TFDP1: variants seen among roughly 807,000 people sequenced by gnomAD.
TFDP1 encodes the protein DRTF1-polypeptide 1.
A neutral mutation model predicts 48.0 loss-of-function variants in TFDP1; 6 were observed. That is an observed-to-expected ratio of 0.13 (90% CI 0.07 to 0.25). The LOEUF is 0.25. TFDP1 is among the 10% of genes least tolerant of loss of function. The probability of loss-of-function intolerance (pLI) is 1.00; values close to 1 mark genes in which losing one functional copy is unlikely to be tolerated. For missense variants in TFDP1, 335 were observed against 543.0 expected, an observed-to-expected ratio of 0.62 and a Z score of 3.81; for synonymous variants, 201 against 211.6, an observed-to-expected ratio of 0.95 and a Z score of 0.44.
In TFDP1 at chr13:113,633,343, T is replaced by C. The variant is rs1056755893; in HGVS notation, c.474+58T>C. ...TGGCGGAGCCCAGCGGTGTGGTACG[T>C]TTCGCTCTTTTAATATCGGGAACAG... On this transcript the variant is annotated intron_variant, in intron 6 of 11. Transcript: ENST00000375370. This position sits in a 1 kb window ranked among gnomAD's most constrained non-coding sequence, Gnocchi z 4.5. The C allele has an allele frequency of 8.9e-6, 10 of 1,117,550 alleles. No individual in the cohort carries two copies. The highest frequency in any genetic ancestry group is 2.2e-5 in the Admixed American group (1 of 46,226). The allele number at this position is 1,117,550 out of a possible 1,614,324, so 69.2% of individuals were successfully genotyped here. A position where few individuals can be genotyped will look rare whatever the true frequency, so the allele number is the denominator to read the frequency against.
intron 3 of TFDP1, among the ~76,000 whole-genome samples, chr13:113,612,860 C>T (rs2140410976): frequency 6.6e-6 from 1 of 152,318 alleles, no homozygotes; most frequent in South Asian, 2.1e-4. Flanking sequence ...CCCAGCAGGG[C>T]CGTGCATTTC....
At chr13:113,620,178 G>A (rs937335944) in intron 3 of TFDP1, among the ~76,000 whole-genome samples, 3 of 152,302 alleles carry the variant, frequency 2.0e-5, no homozygotes, top group Non-Finnish European at 4.4e-5. Flanking sequence ...GCAGATGGAG[G>A]GCAGGCCGGA....
chr13:113,595,833 A>G (rs984409844), intron 2 of TFDP1, among the ~76,000 whole-genome samples: 8 of 152,240 alleles, frequency 5.3e-5, no homozygotes, highest in Non-Finnish European at 1.0e-4. Context: ...CTGTAATCCC[A>G]GCACTTTGGG....
chr13:113,619,481 CAAAAAAAAA>C (rs1162300447), intron 3 of TFDP1, among the ~76,000 whole-genome samples: 1 of 110,500 alleles, frequency 9.0e-6, no homozygotes, highest in Non-Finnish European at 2.0e-5. Flanking sequence ...AAAAAAAAAA[CAAAAAAAAA>C]AAAAAAAAAA....
At chr13:113,611,177 C>A in intron 3 of TFDP1, 115 bp downstream of exon 3, 1 of 1,034,778 alleles carries the variant, frequency 9.7e-7, no homozygotes, top group Non-Finnish European at 1.5e-6. Context: ...CCTGCATGGG[C>A]ACCTTTGTGC....
At chr13:113,584,947 G>T (rs1190921012) in intron 1 of TFDP1, 59 bp downstream of exon 1, 2 of 146,316 alleles carry the variant, frequency 1.4e-5, no homozygotes, top group Admixed American at 1.4e-4. Context: ...GTGCGGGCGG[G>T]ACCCCCGGCC....
chr13:113,593,149 T>C (rs560711627), intron 2 of TFDP1, among the ~76,000 whole-genome samples: 92 of 113,962 alleles, frequency 8.1e-4, no homozygotes, highest in Non-Finnish European at 3.6e-4. Context: ...AGGTGACAGG[T>C]GTGCTGTGTG....
At chr13:113,603,600 G>A (rs554689889) in intron 2 of TFDP1, among the ~76,000 whole-genome samples, 2 of 152,322 alleles carry the variant, frequency 1.3e-5, no homozygotes, top group Non-Finnish European at 2.9e-5. Context: ...TTTTACGAAC[G>A]TGTGTTTTGC....
chr13:113,608,640 CT>C (rs2140383329), intron 2 of TFDP1, among the ~76,000 whole-genome samples: 1 of 152,362 alleles, frequency 6.6e-6, no homozygotes, highest in East Asian at 1.9e-4. Context: ...ACTTCCTGGC[CT>C]TACCCTTCTG....
Position 113,610,980 on chromosome 13 carries a change from T to C in TFDP1, c.13-16T>C. On this transcript the variant is annotated splice_polypyrimidine_tract_variant and intron_variant, in intron 2 of 11. Coordinates refer to ENST00000375370, the MANE Select transcript of TFDP1 (RefSeq NM_007111.5). ...TTTAGCTGTCATATTTATTATTGTTTTGTTGCTTTCCGCAGGCCGGTCTAA... is the reference window on the plus strand; with the variant it reads ...TTTAGCTGTCATATTTATTATTGTTCTGTTGCTTTCCGCAGGCCGGTCTAA... 2 of 1,612,996 alleles carry C rather than the reference T, an allele frequency of 1.2e-6. No homozygotes were observed. Among genetic ancestry groups the C allele is most frequent in the Non-Finnish European group, 1.7e-6 (2 of 1,179,430 alleles).
At chr13:113,622,983 C>T (rs534458807) in intron 3 of TFDP1, among the ~76,000 whole-genome samples, 197 bp from the exon 4 acceptor site, 8 of 152,386 alleles carry the variant, frequency 5.2e-5, no homozygotes, top group Middle Eastern at 3.4e-3. Context: ...CGCGGCCCTG[C>T]GGCCCTCCCC....
intron 3 of TFDP1, among the ~76,000 whole-genome samples, chr13:113,622,940 G>A (rs1594497118): frequency 6.6e-6 from 1 of 152,274 alleles, no homozygotes; most frequent in African/African-American, 2.4e-5. Flanking sequence ...TGGAGCAGTG[G>A]ATGATCTGCC....
intron 5 of TFDP1, chr13:113,631,990 G>A (rs1196149214): frequency 1.0e-5 from 5 of 497,074 alleles, no homozygotes; most frequent in African/African-American, 1.9e-5. Flanking sequence ...TGTAGTGGGT[G>A]CTCTCTGAAG....
chr13:113,639,475 C>G (rs554986224), intron 11 of TFDP1, among the ~76,000 whole-genome samples: 116 of 152,334 alleles, frequency 7.6e-4, no homozygotes, highest in African/African-American at 2.7e-3. Context: ...GAATTTCTCG[C>G]CATTTCTGAC....
In TFDP1 at chr13:113,598,084, A is replaced by G. The variant is rs1051083388; in HGVS notation, c.12+12235A>G. The stretch of plus-strand genomic sequence containing the variant: ...CGACATTTCAGGTGAGTTGTCATCA[A>G]GAGTGCAGAATCCAACTGTGTTGGG... On this transcript the variant is annotated intron_variant, in intron 2 of 11. Transcript: ENST00000375370. The surrounding 1 kb of genome is among the most constrained non-coding windows in gnomAD (Gnocchi z 4.2). 2.6e-5 allele frequency among the ~76,000 whole-genome samples: 4 copies of G among 152,170 alleles called. No homozygotes were observed. Among genetic ancestry groups the G allele is most frequent in the African/African-American group, 9.7e-5 (4 of 41,442 alleles).
chr13:113,637,336 C>T (rs2049517909), intron 10 of TFDP1: 1 of 292,870 alleles, frequency 3.4e-6, no homozygotes, highest in South Asian at 3.1e-5. Flanking sequence ...TCAGAGATTC[C>T]TCCCTGAGCT....
chr13:113,635,954 C>T, intron 8 of TFDP1, 23 bp from the exon 9 acceptor site: 4 of 1,609,866 alleles, frequency 2.5e-6, no homozygotes, highest in Non-Finnish European at 3.4e-6. Flanking sequence ...CACGGGCCAC[C>T]TGGCTCCTCT....
rs2049035221 is a variant in TFDP1, at chr13:113,623,089, T to C, written c.80-91T>C. The stretch of plus-strand genomic sequence containing the variant: ...CGTGGGGAAAGCTAAGCATCTCTAA[T>C]TGCAAGCACCGTCTTGCATTTAGAA... On this transcript the variant is annotated intron_variant, in intron 3 of 11. Transcript: ENST00000375370. This position sits in a 1 kb window ranked among gnomAD's most constrained non-coding sequence, Gnocchi z 5.2. 3 of 1,138,082 alleles carry C rather than the reference T, an allele frequency of 2.6e-6. No homozygotes were observed. Among genetic ancestry groups the C allele is most frequent in the South Asian group, 1.4e-5 (1 of 72,050 alleles). 70.5% of individuals were successfully genotyped at this position (1,138,082 alleles called of 1,614,324 possible).
chr13:113,589,180 G>A (rs2140264680), intron 2 of TFDP1, among the ~76,000 whole-genome samples: 1 of 152,240 alleles, frequency 6.6e-6, no homozygotes, highest in African/African-American at 2.4e-5. Flanking sequence ...TCTTGCTCAG[G>A]GACTTTTTAT....
Sources: gnomAD v4.1 joint callset for allele counts (sites outside exome capture counted in the v4.1 genomes callset) on GRCh38, gnomAD v4.1.1 for gene constraint, Gnocchi (gnomAD v3.1) non-coding constraint, MANE v1.5 for transcripts, NCBI Gene and HGNC (gene_info 2026-07-23, HGNC 2026-07-21) for gene names.